Variants in HDAC9 observed in about 807,000 individuals in gnomAD.
The protein encoded by HDAC9 is MEF-2 interacting transcription repressor (MITR) protein.
In HDAC9, 41 loss-of-function variants were observed where a neutral mutation model predicts 139.4. The observed-to-expected ratio is 0.29, with a 90% CI of 0.23 to 0.38. The LOEUF (loss-of-function observed/expected upper bound fraction) is 0.38, where lower values mean the gene tolerates loss of function less well. Ranked by LOEUF, HDAC9 falls within the 10% of genes least tolerant of loss-of-function variation. The probability of loss-of-function intolerance (pLI) is 1.00; values close to 1 mark genes in which losing one functional copy is unlikely to be tolerated. For synonymous variants in HDAC9, 517 were observed against 476.2 expected, an observed-to-expected ratio of 1.09 and a Z score of -1.12; for missense variants, 1,147 against 1,297.0, an observed-to-expected ratio of 0.88 and a Z score of 1.78.
chr7:18,797,207 T>C (rs1303069125), intron 17 of HDAC9, among the ~76,000 whole-genome samples: 1 of 152,172 alleles, frequency 6.6e-6, no homozygotes, highest in Non-Finnish European at 1.5e-5. Flanking sequence ...AATAATAAAA[T>C]ATGTAAATCT....
At chr7:18,207,516 C>A (rs1791611361) in intron 2 of HDAC9, among the ~76,000 whole-genome samples, 1 of 126,390 alleles carries the variant, frequency 7.9e-6, no homozygotes, top group Admixed American at 9.2e-5. Flanking sequence ...AAGCTGTCCT[C>A]TCACCTCATC....
intron 2 of HDAC9, among the ~76,000 whole-genome samples, chr7:18,281,647 C>G (rs752412081): frequency 2.6e-5 from 4 of 152,210 alleles, no homozygotes; most frequent in Non-Finnish European, 5.9e-5. Flanking sequence ...TAAACACCTT[C>G]CTTTGTAACC....
At chr7:18,523,339 T>C (rs1805689124) in intron 2 of HDAC9, among the ~76,000 whole-genome samples, 1 of 152,150 alleles carries the variant, frequency 6.6e-6, no homozygotes, top group Non-Finnish European at 1.5e-5. Flanking sequence ...AACTATTAAC[T>C]AGAAGTGCCC....
chr7:18,397,314 T>C (rs1787153756), intron 1 of HDAC9, among the ~76,000 whole-genome samples: 2 of 152,118 alleles, frequency 1.3e-5, no homozygotes, highest in South Asian at 4.1e-4. Flanking sequence ...TTGGTAAAAA[T>C]CCACTGTATT....
chr7:18,208,801 T>C (rs1791732393), intron 2 of HDAC9, among the ~76,000 whole-genome samples: 1 of 152,162 alleles, frequency 6.6e-6, no homozygotes, highest in African/African-American at 2.4e-5. Flanking sequence ...TAAATTAGCA[T>C]GAGGAAAATG....
chr7:18,767,368 C>T (rs938737058), intron 16 of HDAC9, among the ~76,000 whole-genome samples: 1 of 152,118 alleles, frequency 6.6e-6, no homozygotes, highest in African/African-American at 2.4e-5. Context: ...GGTGGCAATA[C>T]AGAATTAAAC....
At chr7:18,421,573 C>T (rs1025720396) in intron 1 of HDAC9, among the ~76,000 whole-genome samples, 5 of 152,142 alleles carry the variant, frequency 3.3e-5, no homozygotes, top group Non-Finnish European at 5.9e-5. Context: ...ATACAGGGAA[C>T]TTTTTCCCAA....
chr7:18,891,490 TCAG>T (rs1306550387), intron 22 of HDAC9, among the ~76,000 whole-genome samples: 1 of 152,158 alleles, frequency 6.6e-6, no homozygotes, highest in Non-Finnish European at 1.5e-5. Context: ...CAAAATGAGA[TCAG>T]CAATTAGGAA....
chr7:18,265,531 G>C (rs994883486), intron 2 of HDAC9, among the ~76,000 whole-genome samples: 1 of 152,134 alleles, frequency 6.6e-6, no homozygotes, highest in Admixed American at 6.5e-5. Context: ...TTAAGTCTGA[G>C]AGGTTTTTTT....
intron 1 of HDAC9, among the ~76,000 whole-genome samples, chr7:18,353,537 G>A (rs1783019040): frequency 6.6e-6 from 1 of 152,144 alleles, no homozygotes; most frequent in Non-Finnish European, 1.5e-5. Flanking sequence ...TCTTGCTGCT[G>A]AGTGATCCTG....
At chr7:18,279,686 A>T (rs560232984) in intron 2 of HDAC9, among the ~76,000 whole-genome samples, 151 of 151,990 alleles carry the variant, frequency 9.9e-4, no homozygotes, top group African/African-American at 3.4e-3. Context: ...GGCTGGTCTT[A>T]AACTCCTGAC....
At chr7:18,781,332 G>A (rs760255076) in intron 16 of HDAC9, among the ~76,000 whole-genome samples, 4 of 151,970 alleles carry the variant, frequency 2.6e-5, no homozygotes, top group Non-Finnish European at 4.4e-5. Context: ...TGAAACCCCA[G>A]CTCTTCATCT....
At chr7:18,438,223 C>T (rs1214625726) in intron 1 of HDAC9, among the ~76,000 whole-genome samples, 1 of 151,910 alleles carries the variant, frequency 6.6e-6, no homozygotes, top group East Asian at 1.9e-4. Context: ...GGCCAATAAA[C>T]ATATGACATA....
chr7:18,604,650 C>T lies in HDAC9; in HGVS notation c.664+10621C>T, dbSNP rs575046679. Among the ~76,000 whole-genome samples the T allele has an allele frequency of 3.6e-3, 544 of 152,214 alleles. 2 individuals carry two copies. Among genetic ancestry groups the T allele is most frequent in the Non-Finnish European group, 6.2e-3 (422 of 67,996 alleles). On this transcript the variant is annotated intron_variant, in intron 6 of 25. Transcript: ENST00000686413. The stretch of plus-strand genomic sequence containing the variant: ...TCCTGACCTCATGATCCGCCTGTCT[C>T]GGCTTCCCAAAGTGCTGGGATTACA...
chr7:18,590,940 A>G (rs1433919442), intron 4 of HDAC9, among the ~76,000 whole-genome samples: 1 of 152,230 alleles, frequency 6.6e-6, no homozygotes, highest in Admixed American at 6.5e-5. Flanking sequence ...AGAACTATCC[A>G]CAAGAGGGAG....
intron 1 of HDAC9, among the ~76,000 whole-genome samples, chr7:18,411,193 T>A (rs540005550): frequency 4.3e-4 from 65 of 152,246 alleles, no homozygotes; most frequent in Non-Finnish European, 7.9e-4. Context: ...GTCCACAAGA[T>A]TTACTGGAGA....
chr7:18,650,002 G>A (rs1429177238), intron 11 of HDAC9, among the ~76,000 whole-genome samples: 1 of 152,042 alleles, frequency 6.6e-6, no homozygotes, highest in Non-Finnish European at 1.5e-5. Flanking sequence ...TCTAAATTTA[G>A]CAAATATTTC....
intron 22 of HDAC9, among the ~76,000 whole-genome samples, chr7:18,920,027 T>G (rs1462384838): frequency 6.6e-6 from 1 of 152,168 alleles, no homozygotes; most frequent in African/African-American, 2.4e-5. Context: ...TTTCCAATTC[T>G]GTGAAGAAAG....
chr7:18,836,046 C>A, intron 21 of HDAC9, 49 bp downstream of exon 21: 2 of 1,012,018 alleles, frequency 2.0e-6, no homozygotes, highest in South Asian at 1.5e-5. Flanking sequence ...AATAAATGTC[C>A]ATTGAAATAA....
Sources: gnomAD v4.1 joint callset for allele counts (sites outside exome capture counted in the v4.1 genomes callset) on GRCh38, gnomAD v4.1.1 for gene constraint, MANE v1.5 for transcripts, NCBI Gene and HGNC (gene_info 2026-07-23, HGNC 2026-07-21) for gene names.